MCM10: variants seen among roughly 807,000 people sequenced by gnomAD.
MCM10 encodes the protein protein MCM10 homolog.
MCM10 carries 91 observed loss-of-function variants against 109.9 expected under a neutral mutation model. That is an observed-to-expected ratio of 0.83 (90% CI 0.70 to 0.99). MCM10 has a LOEUF of 0.99. Ranked by LOEUF, MCM10 falls within the 50% of genes least tolerant of loss-of-function variation. The pLI, the probability that MCM10 is intolerant of heterozygous loss-of-function variation, is 0.00. For missense variants in MCM10, 1,077 were observed against 1,061.2 expected, an observed-to-expected ratio of 1.01 and a Z score of -0.21; for synonymous variants, 380 against 387.2, an observed-to-expected ratio of 0.98 and a Z score of 0.22.
intron 7 of MCM10, among the ~76,000 whole-genome samples, chr10:13,181,484 A>T (rs1479461799): frequency 3.3e-5 from 5 of 152,164 alleles, no homozygotes; most frequent in Non-Finnish European, 7.4e-5. Flanking sequence ...ATGAGATCAC[A>T]TGGACACAAG....
At chr10:13,197,885 A>G in intron 15 of MCM10, 118 bp downstream of exon 15, 2 of 999,824 alleles carry the variant, frequency 2.0e-6, no homozygotes, top group Non-Finnish European at 2.9e-6. Context: ...CCTATATAGA[A>G]TACCTAAATA....
chr10:13,188,235 C>T (rs1834300330), intron 9 of MCM10, among the ~76,000 whole-genome samples: 1 of 152,172 alleles, frequency 6.6e-6, no homozygotes, highest in Admixed American at 6.5e-5. Flanking sequence ...GAAAGGATAG[C>T]ACTTGTCCGA....
chr10:13,194,690 A>T (rs572479924), intron 13 of MCM10, among the ~76,000 whole-genome samples: 36 of 152,356 alleles, frequency 2.4e-4, no homozygotes, highest in African/African-American at 8.4e-4. Context: ...GAGTTCCTAC[A>T]GGCCCTAGAG....
chr10:13,208,899 T>C (rs1254685892), intron 18 of MCM10, among the ~76,000 whole-genome samples, 192 bp from the exon 19 acceptor site: 1 of 152,226 alleles, frequency 6.6e-6, no homozygotes, highest in Non-Finnish European at 1.5e-5. Context: ...TACAGACCAC[T>C]TCCCAAGTCA....
At chr10:13,202,774 T>C (rs1834517253) in intron 17 of MCM10, among the ~76,000 whole-genome samples, 1 of 152,218 alleles carries the variant, frequency 6.6e-6, no homozygotes, top group African/African-American at 2.4e-5. Flanking sequence ...TTGTCTCCTG[T>C]TGCCACCGTA....
Position 13,180,512 on chromosome 10 carries a change from A to G in MCM10, c.835A>G (p.Ile279Val). 2 of 1,614,140 alleles carry G rather than the reference A, an allele frequency of 1.2e-6. No individual in the cohort carries two copies. Among genetic ancestry groups the G allele is most frequent in the African/African-American group, 1.3e-5 (1 of 75,030 alleles). Residue 279 changes from isoleucine to valine, a missense_variant, in exon 7 of 20, where the codon ATC (isoleucine) becomes GTC (valine). By Grantham distance (29) the Ile-to-Val change is conservative. Coordinates refer to ENST00000378714, the MANE Select transcript of MCM10 (RefSeq NM_018518.5). ...CCGAAAACTGATCAGACTGTCTCAG[A>G]TCAAGGAAAAGATGGCCAGAGAGAA... Reference protein sequence around the residue: ...TGRKLIRLSQIKEKMAREKLE... With the variant: ...TGRKLIRLSQVKEKMAREKLE...
At position 13,192,463 on chromosome 10, in the gene MCM10, G is replaced by T. The variant is rs1314858352; in HGVS notation, c.1640G>T (p.Ser547Ile). 2 of 1,614,178 alleles carry T rather than the reference G, an allele frequency of 1.2e-6. No homozygotes were observed. The highest frequency in any genetic ancestry group is 3.3e-5 in the Admixed American group (2 of 60,018). The change falls in exon 13 of 20, where the codon AGC becomes ATC. Residue 547 changes from serine (S) to isoleucine (I), a missense_variant. Coordinates refer to ENST00000378714, the MANE Select transcript of MCM10 (RefSeq NM_018518.5). ...AKATASGIMGSPKPAIKSISA... is the reference protein window; with the variant it reads ...AKATASGIMGIPKPAIKSISA... Reference sequence around the variant, plus strand: ...GCTTCTGTTTCAGGGATTATGGGGAGCCCAAAACCAGCCATCAAGTCCATC... The same window carrying T: ...GCTTCTGTTTCAGGGATTATGGGGATCCCAAAACCAGCCATCAAGTCCATC...
chr10:13,194,746 T>G (rs187679844), intron 13 of MCM10, among the ~76,000 whole-genome samples: 7 of 152,334 alleles, frequency 4.6e-5, no homozygotes, highest in African/African-American at 1.7e-4. Context: ...TCTTCAGCTG[T>G]GTTCCTTGTG....
In MCM10 at chr10:13,172,344, G is replaced by C; in HGVS notation, c.350-32G>C. 6.5e-7 allele frequency: 1 copy of C among 1,549,130 alleles called. No individual in the cohort carries two copies. On this transcript the variant is annotated intron_variant, in intron 3 of 19. Coordinates refer to ENST00000378714, the MANE Select transcript of MCM10 (RefSeq NM_018518.5). This position sits in a 1 kb window ranked among gnomAD's most constrained non-coding sequence, Gnocchi z 5.2. ...TCATGTAGAACGTTTTCTCCTGCCT[G>C]GTTCTTAAATTAACATATTTTCATT...
At chr10:13,162,621 G>A (rs1312613352) in intron 1 of MCM10, among the ~76,000 whole-genome samples, 1 of 152,112 alleles carries the variant, frequency 6.6e-6, no homozygotes, top group South Asian at 2.1e-4. Context: ...ATTTGAGGGC[G>A]AGGGAGGGTG....
intron 6 of MCM10, among the ~76,000 whole-genome samples, 154 bp downstream of exon 6, chr10:13,175,835 C>T (rs72779584): frequency 0.029 from 4,401 of 152,160 alleles, 79 homozygotes; most frequent in Non-Finnish European, 0.037. Context: ...AGCAGTAGCC[C>T]TAGGTTTGAC....
At chr10:13,167,257 TG>T (rs1834013596) in intron 2 of MCM10, among the ~76,000 whole-genome samples, 1 of 152,120 alleles carries the variant, frequency 6.6e-6, no homozygotes, top group Admixed American at 6.5e-5. Context: ...GTGTTGAACA[TG>T]GATCCACAGG....
Position 13,198,794 on chromosome 10 carries a change from G to A in MCM10, c.2225G>A (p.Gly742Asp). 1.2e-6 allele frequency: 2 copies of A among 1,611,214 alleles called. No homozygotes were observed. Among genetic ancestry groups the A allele is most frequent in the Non-Finnish European group, 8.5e-7 (1 of 1,178,528 alleles). Reference sequence around the variant, plus strand: ...CTAAAAGCAAAATCAAAACACACAGGCATCCTGAAAGAGGTAAGAGCCCAA... The same window carrying A: ...CTAAAAGCAAAATCAAAACACACAGACATCCTGAAAGAGGTAAGAGCCCAA... The part of the protein sequence containing the change: ...KILKAKSKHT[G>D]ILKEAEAEMQ... Residue 742 changes from glycine to aspartate, a missense_variant, in exon 16 of 20, where the codon GGC becomes GAC. By Grantham distance (94) the Gly-to-Asp change is moderately conservative (BLOSUM62 -1). Coordinates refer to ENST00000378714, the MANE Select transcript of MCM10 (RefSeq NM_018518.5).
At chr10:13,195,476 G>C (rs527781210) in intron 14 of MCM10, 1 of 466,192 alleles carries the variant, frequency 2.1e-6, no homozygotes, top group African/African-American at 2.0e-5. Flanking sequence ...AGGTAGCCTA[G>C]AGGAAGATAG....
intron 16 of MCM10, among the ~76,000 whole-genome samples, chr10:13,201,187 T>C (rs577508563): frequency 3.3e-5 from 5 of 152,278 alleles, no homozygotes; most frequent in African/African-American, 1.2e-4. Context: ...AATGCTCTCA[T>C]GTCCCTTTGT....
chr10:13,187,360 C>T (rs1197112767), intron 9 of MCM10, among the ~76,000 whole-genome samples: 2 of 152,136 alleles, frequency 1.3e-5, no homozygotes, highest in South Asian at 2.1e-4. Flanking sequence ...ATATACCATA[C>T]GTTGTTTATT....
At chr10:13,166,767 A>G (rs1834007345) in intron 2 of MCM10, among the ~76,000 whole-genome samples, 1 of 151,076 alleles carries the variant, frequency 6.6e-6, no homozygotes, top group South Asian at 2.1e-4. Flanking sequence ...AGAGCCTGGG[A>G]AAGCGAATGA....
chr10:13,209,010 C>A, intron 18 of MCM10, 81 bp from the exon 19 acceptor site: 1 of 965,616 alleles, frequency 1.0e-6, no homozygotes. Context: ...GCCTACTCTC[C>A]CCAGGTGCAG....
intron 2 of MCM10, among the ~76,000 whole-genome samples, chr10:13,165,264 G>C (rs1458298163): frequency 6.6e-6 from 1 of 152,194 alleles, no homozygotes; most frequent in East Asian, 1.9e-4. Flanking sequence ...TGTGAATGTG[G>C]TCTCTCTCTA....
Sources: gnomAD v4.1 joint callset for allele counts (sites outside exome capture counted in the v4.1 genomes callset) on GRCh38, gnomAD v4.1.1 for gene constraint, Gnocchi (gnomAD v3.1) non-coding constraint, MANE v1.5 for transcripts, NCBI Gene and HGNC (gene_info 2026-07-23, HGNC 2026-07-21) for gene names.